The following SNX24 variants were observed in gnomAD, a reference collection of about 807,000 sequenced individuals.
SNX24 encodes sorting nexin-24.
SNX24 carries 22 observed loss-of-function variants against 28.7 expected under a neutral mutation model. The observed-to-expected ratio is 0.77, with a 90% CI of 0.55 to 1.10. The LOEUF (loss-of-function observed/expected upper bound fraction) is 1.10, where lower values mean the gene tolerates loss of function less well. SNX24 is among the 50% of genes least tolerant of loss of function. The pLI is 0.00. For synonymous variants in SNX24, 69 were observed against 71.5 expected (o/e 0.96, Z 0.18); for missense variants, 221 against 201.1 (o/e 1.10, Z -0.60).
chr5:122,855,244 G>A (rs886706434), intron 1 of SNX24, among the ~76,000 whole-genome samples: 10 of 152,000 alleles, frequency 6.6e-5, no homozygotes, highest in Non-Finnish European at 2.9e-5. Flanking sequence ...CCTAATTTTT[G>A]TATTTTTAGT....
rs1016669425 is a variant in SNX24 at position 123,007,809 on chromosome 5, A to G, written c.*60A>G. The G allele has an allele frequency of 8.3e-6, 13 of 1,575,178 alleles. No homozygotes were observed. Among genetic ancestry groups the G allele is most frequent in the East Asian group, 2.2e-5 (1 of 44,518 alleles). ...TTCGAAGTCACAGTCAAGGAAATCA[A>G]TACCTACCAATTTAACCTAAACGCT... On this transcript the variant is annotated 3_prime_UTR_variant, in exon 7 of 7. Coordinates refer to ENST00000261369, the MANE Select transcript of SNX24 (RefSeq NM_014035.4).
At chr5:122,849,601 G>A (rs1176954040) in intron 1 of SNX24, among the ~76,000 whole-genome samples, 1 of 152,250 alleles carries the variant, frequency 6.6e-6, no homozygotes, top group Non-Finnish European at 1.5e-5. Context: ...CCAAAAAAGG[G>A]GGGGGGAGGG....
At chr5:122,874,207 A>G (rs1756122179) in intron 1 of SNX24, among the ~76,000 whole-genome samples, 1 of 152,236 alleles carries the variant, frequency 6.6e-6, no homozygotes. Context: ...TATTAGCCTC[A>G]GTTTCCTTAT....
intron 3 of SNX24, among the ~76,000 whole-genome samples, chr5:122,970,538 G>A (rs1760914569): frequency 6.6e-6 from 1 of 152,074 alleles, no homozygotes; most frequent in African/African-American, 2.4e-5. Context: ...TCATGATCTT[G>A]GCTCACTGCA....
At chr5:122,934,506 C>T (rs1361889631) in intron 1 of SNX24, among the ~76,000 whole-genome samples, 1 of 152,120 alleles carries the variant, frequency 6.6e-6, no homozygotes, top group African/African-American at 2.4e-5. Context: ...TCTACAGGCA[C>T]ACACCACTAT....
intron 1 of SNX24, among the ~76,000 whole-genome samples, chr5:122,897,623 A>G (rs1010029094): frequency 7.3e-5 from 11 of 151,364 alleles, no homozygotes; most frequent in Non-Finnish European, 1.0e-4. Context: ...TTGTAAAAAC[A>G]AAAAAAAATT....
At chr5:122,876,456 A>G (rs377715386) in intron 1 of SNX24, among the ~76,000 whole-genome samples, 34 of 152,360 alleles carry the variant, frequency 2.2e-4, no homozygotes, top group African/African-American at 7.7e-4. Flanking sequence ...AGCTGGAGAT[A>G]TTAAAAAGTG....
At chr5:122,908,250 C>T (rs1249323597) in intron 1 of SNX24, among the ~76,000 whole-genome samples, 1 of 152,192 alleles carries the variant, frequency 6.6e-6, no homozygotes, top group Non-Finnish European at 1.5e-5. Context: ...GATCAATAAG[C>T]AGTTTTCTGT....
intron 3 of SNX24, among the ~76,000 whole-genome samples, chr5:122,998,838 T>G (rs1283183357): frequency 1.3e-5 from 2 of 152,234 alleles, no homozygotes; most frequent in African/African-American, 2.4e-5. Flanking sequence ...TTGTTACTTG[T>G]TATGTATCTT....
At chr5:122,942,941 C>A (rs1299180160) in intron 2 of SNX24, among the ~76,000 whole-genome samples, 1 of 152,100 alleles carries the variant, frequency 6.6e-6, no homozygotes, top group African/African-American at 2.4e-5. Flanking sequence ...GTTGCTAGAT[C>A]TTCTAAATTT....
chr5:122,967,215 CTTA>C (rs1399243340), intron 3 of SNX24, among the ~76,000 whole-genome samples: 1 of 152,148 alleles, frequency 6.6e-6, no homozygotes, highest in Non-Finnish European at 1.5e-5. Flanking sequence ...GTGCTTTACC[CTTA>C]TTATCTCCTA....
At chr5:122,860,689 C>G (rs574803268) in intron 1 of SNX24, among the ~76,000 whole-genome samples, 1 of 152,108 alleles carries the variant, frequency 6.6e-6, no homozygotes, top group African/African-American at 2.4e-5. Context: ...CTCTGCCTCC[C>G]GGGTTCACGC....
At chr5:122,915,654 G>A (rs1250474628) in intron 1 of SNX24, among the ~76,000 whole-genome samples, 1 of 151,998 alleles carries the variant, frequency 6.6e-6, no homozygotes, top group Admixed American at 6.6e-5. Context: ...TTTTCATAGT[G>A]CACATCTGAT....
intron 3 of SNX24, among the ~76,000 whole-genome samples, chr5:122,993,058 G>C (rs1032956083): frequency 6.6e-6 from 1 of 150,804 alleles, no homozygotes; most frequent in Non-Finnish European, 1.5e-5. Context: ...GGCATTCAGC[G>C]TTTAGTGCAG....
intron 1 of SNX24, among the ~76,000 whole-genome samples, chr5:122,909,784 C>CAA (rs1222621309): frequency 1.4e-4 from 22 of 152,308 alleles, no homozygotes; most frequent in Non-Finnish European, 2.9e-4. Flanking sequence ...TTTTGCTGCC[C>CAA]ACTCAGCCCC....
intron 2 of SNX24, among the ~76,000 whole-genome samples, chr5:122,939,886 C>T (rs1388873055): frequency 1.3e-5 from 2 of 152,214 alleles, no homozygotes; most frequent in African/African-American, 4.8e-5. Context: ...AAGCTTAGAA[C>T]CACACATCTC....
chr5:122,994,715 A>C (rs1761990850), intron 3 of SNX24, among the ~76,000 whole-genome samples: 1 of 152,222 alleles, frequency 6.6e-6, no homozygotes, highest in African/African-American at 2.4e-5. Flanking sequence ...CCATGCAGGA[A>C]GTTTTTTATA....
chr5:122,889,958 A>G lies in SNX24; in HGVS notation c.60+44265A>G, dbSNP rs1195618362. ...TGGTACAAGATCCAAATAGTACATT[A>G]TATTTACTTGCCATGTCTTTTTAGT... On this transcript the variant is annotated intron_variant, in intron 1 of 6. Transcript: ENST00000261369. Among the ~76,000 whole-genome samples the G allele has an allele frequency of 6.0e-5, 9 of 149,310 alleles. No homozygotes were observed. In the East Asian group the frequency reaches 1.6e-3, roughly 26 times the overall value.
intron 1 of SNX24, among the ~76,000 whole-genome samples, chr5:122,848,169 C>G (rs1371573234): frequency 1.3e-5 from 2 of 152,142 alleles, no homozygotes; most frequent in Admixed American, 1.3e-4. Context: ...GTGGCGCAAT[C>G]CTAGCTCACA....
Sources: allele counts gnomAD v4.1 joint callset (sites outside exome capture counted in the v4.1 genomes callset), GRCh38; gene constraint gnomAD v4.1.1; transcripts MANE v1.5; gene names NCBI Gene and HGNC (gene_info 2026-07-23, HGNC 2026-07-21).